Variants in SIAH1 observed in about 807,000 individuals in gnomAD.
SIAH1 encodes the protein E3 ubiquitin-protein ligase SIAH1.
Under a neutral mutation model 20.0 loss-of-function variants are expected in SIAH1, and 2 were observed. The observed-to-expected ratio is 0.10, with a 90% CI of 0.04 to 0.31. SIAH1 has a LOEUF of 0.31. Among genes scored for constraint, SIAH1 ranks in the 10% least tolerant of loss-of-function variants. The pLI is 1.00. For synonymous variants in SIAH1, 118 were observed against 125.3 expected (o/e 0.94, Z 0.39); for missense variants, 119 against 355.3 (o/e 0.33, Z 5.35).
chr16:48,378,500 G>A (rs1190473386), intron 1 of SIAH1, among the ~76,000 whole-genome samples: 1 of 152,202 alleles, frequency 6.6e-6, no homozygotes, highest in Non-Finnish European at 1.5e-5. Context: ...TTGTTTCTTC[G>A]ATCTGGGAGG....
chr16:48,378,193 AAC>A (rs368823748), intron 1 of SIAH1, among the ~76,000 whole-genome samples: 65 of 152,246 alleles, frequency 4.3e-4, no homozygotes, highest in African/African-American at 1.4e-3. Flanking sequence ...CTCTACTAAA[AAC>A]ACAAAAAATT....
chr16:48,373,434 C>T (rs1012600188), intron 1 of SIAH1, among the ~76,000 whole-genome samples: 1 of 152,144 alleles, frequency 6.6e-6, no homozygotes, highest in Non-Finnish European at 1.5e-5. Context: ...TCAGGTCAAG[C>T]GCCTTCGAGT....
intron 1 of SIAH1, among the ~76,000 whole-genome samples, chr16:48,374,980 A>G (rs986886375): frequency 6.6e-6 from 1 of 152,202 alleles, no homozygotes; most frequent in African/African-American, 2.4e-5. Flanking sequence ...TCTAGAAACA[A>G]TAGAGGCGTG....
At position 48,362,857 on chromosome 16, in the gene SIAH1, G is replaced by C. The variant is rs763260739; in HGVS notation, c.-2-427C>G. ...GGAGTCAGCTGTTGATAGGTACAGGGAGTTACAGGTGAACTCCTGTATAAA... is the reference window on the plus strand; with the variant it reads ...GGAGTCAGCTGTTGATAGGTACAGGCAGTTACAGGTGAACTCCTGTATAAA... On this transcript the variant is annotated intron_variant, in intron 1 of 1. Transcript: ENST00000394725. The surrounding 1 kb of genome is among the most constrained non-coding windows in gnomAD (Gnocchi z 4.2). 6.3e-5 allele frequency: 11 copies of C among 173,888 alleles called. No individual in the cohort carries two copies. Among genetic ancestry groups the C allele is most frequent in the Admixed American group, 1.2e-4 (2 of 16,258 alleles). The allele number at this position is 173,888 out of a possible 1,614,324, so 10.8% of individuals were successfully genotyped here.
chr16:48,373,960 T>C (rs1387347930), intron 1 of SIAH1, among the ~76,000 whole-genome samples: 3 of 152,120 alleles, frequency 2.0e-5, no homozygotes, highest in African/African-American at 7.2e-5. Flanking sequence ...TGAATATCCA[T>C]GTGGCTAACT....
intron 1 of SIAH1, among the ~76,000 whole-genome samples, chr16:48,372,747 T>C (rs577176382): frequency 6.6e-6 from 1 of 152,312 alleles, no homozygotes; most frequent in Non-Finnish European, 1.5e-5. Flanking sequence ...AAGGTATGCT[T>C]AACTCAAAAA....
rs117742089 is a variant in SIAH1 at position 48,379,835 on chromosome 16, G to A, written c.-3+5369C>T. Among the ~76,000 whole-genome samples the A allele has an allele frequency of 8.8e-3, 1,337 of 152,286 alleles. 12 individuals carry two copies. The highest frequency in any genetic ancestry group is 0.015 in the Non-Finnish European group (1,006 of 68,030). On this transcript the variant is annotated intron_variant, in intron 1 of 1. Coordinates refer to ENST00000394725, the MANE Select transcript of SIAH1 (RefSeq NM_003031.4). Reference sequence around the variant, plus strand: ...ATAAGAGAGCTTAATAGGATGAGAGGGGCTTGCAAGTAAAGTCCAAAATGG... The same window carrying A: ...ATAAGAGAGCTTAATAGGATGAGAGAGGCTTGCAAGTAAAGTCCAAAATGG...
At chr16:48,381,461 T>G (rs1961290516) in intron 1 of SIAH1, among the ~76,000 whole-genome samples, 1 of 152,216 alleles carries the variant, frequency 6.6e-6, no homozygotes, top group Non-Finnish European at 1.5e-5. Context: ...AATGGACGTT[T>G]ACAGCAGCTT....
In SIAH1 at chr16:48,379,558, G is replaced by A. The variant is rs138644954; in HGVS notation, c.-3+5646C>T. ...GTTTAATAAGGACAGTGTGGAGTCAGTCGCTCAATAACTTTTTACTGAGCA... is the reference window on the plus strand; with the variant it reads ...GTTTAATAAGGACAGTGTGGAGTCAATCGCTCAATAACTTTTTACTGAGCA... On this transcript the variant is annotated intron_variant, in intron 1 of 1. Coordinates refer to ENST00000394725, the MANE Select transcript of SIAH1 (RefSeq NM_003031.4). Among the ~76,000 whole-genome samples the A allele has an allele frequency of 2.5e-4, 38 of 152,316 alleles. No homozygotes were observed. The East Asian group carries it at 6.2e-3, about 25-fold the overall frequency.
At position 48,361,952 on chromosome 16, in the gene SIAH1, C is replaced by T. The variant is rs757918616; in HGVS notation, c.477G>A (p.Gln159=). 10 of 1,614,042 alleles carry T rather than the reference C, an allele frequency of 6.2e-6. No homozygotes were observed. Among genetic ancestry groups the T allele is most frequent in the Non-Finnish European group, 7.6e-6 (9 of 1,180,050 alleles). Residue 159 remains glutamine (Q), a synonymous_variant, in exon 2 of 2, where the codon CAG becomes CAA. Transcript: ENST00000394725. ...TAGCAAGAAAAACTATATCCTCTCC[C>T]TGTAGGGTTGTAATGGACTTATGCT... ...MHQHKSITTL[Q]GEDIVFLATD...
chr16:48,377,228 C>G (rs927968916), intron 1 of SIAH1, among the ~76,000 whole-genome samples: 20 of 151,466 alleles, frequency 1.3e-4, no homozygotes, highest in Non-Finnish European at 2.5e-4. Context: ...ACTCCCTGTT[C>G]AAAACAAAAA....
intron 1 of SIAH1, among the ~76,000 whole-genome samples, chr16:48,368,083 CTT>C (rs1168106645): frequency 1.1e-4 from 16 of 152,152 alleles, no homozygotes; most frequent in Non-Finnish European, 2.1e-4. Context: ...ACGTGGTAAT[CTT>C]TGTTTCCTTT....
At chr16:48,364,632 A>AT (rs1480057279) in intron 1 of SIAH1, among the ~76,000 whole-genome samples, 2 of 152,196 alleles carry the variant, frequency 1.3e-5, no homozygotes, top group Non-Finnish European at 2.9e-5. Flanking sequence ...CTCTCAGTAG[A>AT]TTCTTTGTAC....
At chr16:48,385,144 C>T in intron 1 of SIAH1, 60 bp downstream of exon 1, 1 of 201,718 alleles carries the variant, frequency 5.0e-6, no homozygotes, top group Non-Finnish European at 1.1e-5. Flanking sequence ...CGGGCCTGGG[C>T]GCCCGCCTGT....
chr16:48,362,395 C>T lies in SIAH1; in HGVS notation c.34G>A (p.Gly12Ser), dbSNP rs761014883. The T allele has an allele frequency of 4.3e-6, 7 of 1,614,044 alleles. No homozygotes were observed. Among genetic ancestry groups the T allele is most frequent in the Non-Finnish European group, 5.9e-6 (7 of 1,180,004 alleles). Residue 12 changes from glycine (G) to serine (S), a missense_variant, in exon 2 of 2, where the codon GGT (glycine) becomes AGT (serine). Physicochemically the swap from Gly to Ser is moderately conservative, Grantham distance 56. Around this residue, in one of 2 missense-constraint regions of SIAH1, gnomAD observed 35 missense variants for 47.5 expected, o/e 0.74. Transcript: ENST00000394725. This position sits in a 1 kb window ranked among gnomAD's most constrained non-coding sequence, Gnocchi z 4.2. ...TGGGATGGTGGACACTTCGAGGTAC[C>T]GGTAGGTAATGCTGTAGCAGTCTGA... ...SRQTATALPT[G>S]TSKCPPSQRV...
At chr16:48,367,169 A>AGC (rs1008319235) in intron 1 of SIAH1, among the ~76,000 whole-genome samples, 2 of 152,200 alleles carry the variant, frequency 1.3e-5, no homozygotes, top group African/African-American at 4.8e-5. Flanking sequence ...CAAAGTGCTG[A>AGC]GCCACTGTGC....
At chr16:48,366,602 C>T (rs773252775) in intron 1 of SIAH1, among the ~76,000 whole-genome samples, 5 of 152,174 alleles carry the variant, frequency 3.3e-5, no homozygotes, top group Non-Finnish European at 7.4e-5. Flanking sequence ...AAGCACTACC[C>T]TTGCCCCAAT....
intron 1 of SIAH1, among the ~76,000 whole-genome samples, chr16:48,379,256 G>A (rs1309929646): frequency 6.6e-6 from 1 of 152,112 alleles, no homozygotes; most frequent in Non-Finnish European, 1.5e-5. Context: ...GCGAGGGGAA[G>A]GCAGGGAACA....
chr16:48,364,077 G>A lies in SIAH1; in HGVS notation c.-2-1647C>T, dbSNP rs192618257. ...CAATTCTCCTGCCTCAGCCTCCCAA[G>A]TAGCTGGGATTACAGGGGCCCGCCA... On this transcript the variant is annotated intron_variant, in intron 1 of 1. Transcript: ENST00000394725. Among the ~76,000 whole-genome samples the A allele has an allele frequency of 4.5e-3, 659 of 146,210 alleles. 7 individuals are homozygous for A. Among genetic ancestry groups the A allele is most frequent in the African/African-American group, 0.016 (630 of 39,584 alleles).
Sources: allele counts gnomAD v4.1 joint callset (sites outside exome capture counted in the v4.1 genomes callset), GRCh38; gene constraint gnomAD v4.1.1; regional missense constraint gnomAD v4.1.1; non-coding constraint Gnocchi (gnomAD v3.1); transcripts MANE v1.5; gene names NCBI Gene and HGNC (gene_info 2026-07-23, HGNC 2026-07-21).